The following SEC11A variants were observed in gnomAD, a reference collection of about 807,000 sequenced individuals.
SEC11A encodes the protein SEC11 homolog A, signal peptidase complex subunit, also known as signal peptidase complex catalytic subunit SEC11A.
A neutral mutation model predicts 25.6 loss-of-function variants in SEC11A; 14 were observed. The observed-to-expected ratio is 0.55, with a 90% CI of 0.36 to 0.85. SEC11A has a LOEUF of 0.85. Ranked by LOEUF, SEC11A falls within the 40% of genes least tolerant of loss-of-function variation. The pLI, the probability that SEC11A is intolerant of heterozygous loss-of-function variation, is 0.01. For synonymous variants in SEC11A, 83 were observed against 76.4 expected, an observed-to-expected ratio of 1.09 and a Z score of -0.45; for missense variants, 153 against 222.9, an observed-to-expected ratio of 0.69 and a Z score of 2.00.
At chr15:84,701,998 C>T (rs980587941) in intron 1 of SEC11A, among the ~76,000 whole-genome samples, 58 of 149,162 alleles carry the variant, frequency 3.9e-4, no homozygotes, top group African/African-American at 1.4e-3. Flanking sequence ...ACCCGGGAGG[C>T]GGAGGTGGCA....
chr15:84,688,789 G>C (rs1437565105), intron 2 of SEC11A, among the ~76,000 whole-genome samples: 1 of 152,138 alleles, frequency 6.6e-6, no homozygotes, highest in African/African-American at 2.4e-5. Context: ...CCAGCACTTC[G>C]GGAGGCCGAG....
At position 84,670,003 on chromosome 15, in the gene SEC11A, C is replaced by T. The variant is rs377168987; in HGVS notation, c.*16G>A. On this transcript the variant is annotated 3_prime_UTR_variant, in exon 6 of 6. Coordinates refer to ENST00000268220, the MANE Select transcript of SEC11A (RefSeq NM_014300.4). ...GAAAACTATGGCATCTTCCCAGGAA[C>T]AGCAAGGCAGGCTTCTTACTCACGA... The T allele has an allele frequency of 1.9e-5, 30 of 1,613,468 alleles. No homozygotes were observed. In the African/African-American group the frequency reaches 3.1e-4, roughly 17 times the overall value.
chr15:84,677,931 C>T (rs1897183420), intron 4 of SEC11A, among the ~76,000 whole-genome samples: 1 of 152,142 alleles, frequency 6.6e-6, no homozygotes, highest in East Asian at 1.9e-4. Flanking sequence ...TGTGGTGGCT[C>T]ATGCCTGTGG....
chr15:84,704,179 A>T (rs915352838), intron 1 of SEC11A, among the ~76,000 whole-genome samples: 7 of 152,206 alleles, frequency 4.6e-5, no homozygotes, highest in African/African-American at 1.4e-4. Flanking sequence ...CCGGATATAG[A>T]TTGGTCTTCC....
chr15:84,698,788 T>C (rs1897838746), intron 1 of SEC11A, among the ~76,000 whole-genome samples: 1 of 152,110 alleles, frequency 6.6e-6, no homozygotes, highest in South Asian at 2.1e-4. Flanking sequence ...GAATTCAGGC[T>C]CACTGGAACA....
intron 1 of SEC11A, among the ~76,000 whole-genome samples, chr15:84,713,421 T>C (rs1225546904): frequency 2.0e-5 from 3 of 152,216 alleles, no homozygotes; most frequent in Admixed American, 2.0e-4. Context: ...TTCGTCTGAT[T>C]CTCAGTATCT....
At chr15:84,695,475 A>C (rs1897740121) in intron 1 of SEC11A, among the ~76,000 whole-genome samples, 1 of 151,972 alleles carries the variant, frequency 6.6e-6, no homozygotes, top group Non-Finnish European at 1.5e-5. Flanking sequence ...AAAAAAAAAA[A>C]AGAAAAATTA....
chr15:84,708,716 A>C (rs746433473), intron 1 of SEC11A, among the ~76,000 whole-genome samples: 11 of 151,968 alleles, frequency 7.2e-5, no homozygotes, highest in Non-Finnish European at 1.5e-4. Flanking sequence ...TGGACCCAGG[A>C]GGTTGAGACT....
chr15:84,681,312 AAGTT>A (rs1288512374), intron 3 of SEC11A, among the ~76,000 whole-genome samples: 1 of 152,194 alleles, frequency 6.6e-6, no homozygotes, highest in Non-Finnish European at 1.5e-5. Flanking sequence ...GGAACAAAGA[AAGTT>A]AGGGAAGTAA....
chr15:84,682,726 G>A lies in SEC11A; in HGVS notation c.312-1894C>T, dbSNP rs1036485016. On this transcript the variant is annotated intron_variant, in intron 3 of 5. Coordinates refer to ENST00000268220, the MANE Select transcript of SEC11A (RefSeq NM_014300.4). ...GGCCTCCCAAAGTGCTAGGATTACA[G>A]GCGTGAGCCACCGTGCCCAGCCAGG... is the stretch of plus-strand genomic sequence containing the variant. Among the ~76,000 whole-genome samples, 71 of 152,258 alleles carry A rather than the reference G, an allele frequency of 4.7e-4. 1 individual carries two copies. Among genetic ancestry groups the A allele is most frequent in the African/African-American group, 1.7e-3 (69 of 41,544 alleles).
chr15:84,707,464 G>A (rs539589964), intron 1 of SEC11A, among the ~76,000 whole-genome samples: 8 of 152,212 alleles, frequency 5.3e-5, no homozygotes, highest in East Asian at 1.9e-4. Flanking sequence ...GATTATAGGC[G>A]TGAACCACCG....
chr15:84,670,925 T>C (rs1896967183), intron 4 of SEC11A, 143 bp from the exon 5 acceptor site: 1 of 437,568 alleles, frequency 2.3e-6, no homozygotes, highest in Non-Finnish European at 4.2e-6. Context: ...TATTTGATCC[T>C]TGCAAAAGCC....
intron 1 of SEC11A, among the ~76,000 whole-genome samples, chr15:84,712,062 G>A (rs1337387470): frequency 6.6e-6 from 1 of 151,880 alleles, no homozygotes; most frequent in East Asian, 1.9e-4. Flanking sequence ...GCAGAATAGC[G>A]AGACTCCATC....
chr15:84,691,306 T>C (rs1019232312), intron 2 of SEC11A, among the ~76,000 whole-genome samples: 3 of 151,976 alleles, frequency 2.0e-5, no homozygotes, highest in Non-Finnish European at 2.9e-5. Context: ...ATTCCATAGC[T>C]CAAGTAATCC....
chr15:84,679,964 T>C (rs1173299835), intron 4 of SEC11A: 2 of 1,528,960 alleles, frequency 1.3e-6, no homozygotes. Flanking sequence ...GTTCTCCTGA[T>C]AAAATCTGAA....
chr15:84,670,545 T>C, intron 5 of SEC11A, 180 bp downstream of exon 5: 4 of 158,078 alleles, frequency 2.5e-5, no homozygotes. Context: ...AGGCTAATAA[T>C]TTTTTTTTTT....
At chr15:84,698,543 A>G (rs1455297785) in intron 1 of SEC11A, among the ~76,000 whole-genome samples, 2 of 152,222 alleles carry the variant, frequency 1.3e-5, no homozygotes, top group African/African-American at 4.8e-5. Flanking sequence ...GGACACTATT[A>G]TTGTGACCCA....
chr15:84,688,903 C>T (rs750828224), intron 2 of SEC11A, among the ~76,000 whole-genome samples: 24 of 151,990 alleles, frequency 1.6e-4, no homozygotes, highest in African/African-American at 2.4e-4. Context: ...TGGTGGCGCA[C>T]GCCTGTAATC....
At chr15:84,708,237 T>C (rs1432311239) in intron 1 of SEC11A, among the ~76,000 whole-genome samples, 1 of 137,202 alleles carries the variant, frequency 7.3e-6, no homozygotes, top group Admixed American at 7.3e-5. Context: ...AAAAAGAATA[T>C]ACCTGTTGAT....
Sources: allele counts gnomAD v4.1 joint callset (sites outside exome capture counted in the v4.1 genomes callset), GRCh38; gene constraint gnomAD v4.1.1; transcripts MANE v1.5; gene names NCBI Gene and HGNC (gene_info 2026-07-23, HGNC 2026-07-21).